The following TRIM61 variants were observed in gnomAD, a reference collection of about 807,000 sequenced individuals.
TRIM61 encodes the protein putative tripartite motif-containing protein 61.
In TRIM61, 1 loss-of-function variant was observed where a neutral mutation model predicts 14.2. That is an observed-to-expected ratio of 0.07 (90% CI 0.03 to 0.33). TRIM61 has a LOEUF of 0.33. Ranked by LOEUF, TRIM61 falls within the 10% of genes least tolerant of loss-of-function variation. TRIM61 has a pLI of 0.99. For synonymous variants in TRIM61, 8 were observed against 71.6 expected (o/e 0.11, Z 4.49); for missense variants, 19 against 202.2 (o/e 0.09, Z 5.49).
chr4:164,970,463 A>G (rs1732338374), intron 2 of TRIM61, 124 bp from the exon 3 acceptor site: 2 of 175,298 alleles, frequency 1.1e-5, no homozygotes, highest in South Asian at 2.5e-4. Flanking sequence ...CAAGATTCTC[A>G]TATTGCAGAG....
At chr4:164,966,186 G>C (rs1331811543) in intron 3 of TRIM61, among the ~76,000 whole-genome samples, 1 of 152,174 alleles carries the variant, frequency 6.6e-6, no homozygotes, top group Non-Finnish European at 1.5e-5. Flanking sequence ...GTTTGGGAAT[G>C]AATTAAGGAA....
At chr4:164,975,264 ATAGT>A (rs1359669029) in intron 2 of TRIM61, among the ~76,000 whole-genome samples, 2 of 152,026 alleles carry the variant, frequency 1.3e-5, no homozygotes, top group South Asian at 4.1e-4. Flanking sequence ...CCAATGTCAC[ATAGT>A]TAGTAAACTG....
chr4:164,960,689 G>A (rs1185750330), intron 3 of TRIM61, among the ~76,000 whole-genome samples: 1 of 152,130 alleles, frequency 6.6e-6, no homozygotes, highest in African/African-American at 2.4e-5. Context: ...GGTGGGTCAT[G>A]CCCATAATCC....
intron 3 of TRIM61, among the ~76,000 whole-genome samples, chr4:164,962,244 A>G (rs1474007219): frequency 1.4e-5 from 2 of 143,356 alleles, no homozygotes; most frequent in African/African-American, 5.2e-5. Context: ...TTTTTTTGAG[A>G]CAGTGTTGCT....
intron 3 of TRIM61, among the ~76,000 whole-genome samples, chr4:164,960,536 C>T (rs1579142964): frequency 6.9e-6 from 1 of 145,984 alleles, no homozygotes; most frequent in African/African-American, 2.5e-5. Flanking sequence ...ATCCGGGCGA[C>T]AGAGTAAGAC....
chr4:164,955,673 T>G (rs1243954091), intron 3 of TRIM61, among the ~76,000 whole-genome samples: 1 of 152,148 alleles, frequency 6.6e-6, no homozygotes, highest in Non-Finnish European at 1.5e-5. Context: ...TTTCCTTGTC[T>G]TCATGTGACC....
At chr4:164,958,907 A>T (rs1176776688) in intron 3 of TRIM61, 1 of 167,108 alleles carries the variant, frequency 6.0e-6, no homozygotes, top group Non-Finnish European at 1.5e-5. Flanking sequence ...TTTTAAATTA[A>T]CATTCTATTA....
chr4:164,959,279 G>A (rs963401941), intron 3 of TRIM61, among the ~76,000 whole-genome samples: 1 of 152,052 alleles, frequency 6.6e-6, no homozygotes, highest in Non-Finnish European at 1.5e-5. Flanking sequence ...CTGAAATTTG[G>A]TGATATGATG....
At chr4:164,969,012 T>C (rs749249603) in intron 3 of TRIM61, 16 of 1,035,500 alleles carry the variant, frequency 1.5e-5, no homozygotes, top group Non-Finnish European at 1.9e-5. Context: ...TAAAATCTTC[T>C]TGGGTTATGA....
At chr4:164,963,237 C>T (rs1178689125) in intron 3 of TRIM61, among the ~76,000 whole-genome samples, 1 of 151,972 alleles carries the variant, frequency 6.6e-6, no homozygotes, top group African/African-American at 2.4e-5. Context: ...ATAGTCAGAC[C>T]CTGTTTTAAT....
chr4:164,960,812 G>C (rs1233421696), intron 3 of TRIM61, among the ~76,000 whole-genome samples: 1 of 151,912 alleles, frequency 6.6e-6, no homozygotes, highest in East Asian at 1.9e-4. Flanking sequence ...TTAGCTGGGC[G>C]TGGTGACACA....
intron 2 of TRIM61, among the ~76,000 whole-genome samples, chr4:164,973,895 C>T (rs760742957): frequency 3.3e-5 from 5 of 152,178 alleles, no homozygotes; most frequent in East Asian, 3.8e-4. Context: ...TTGGGCCAGG[C>T]GTGGTGGCTC....
chr4:164,976,052 G>A (rs966182747), intron 2 of TRIM61, among the ~76,000 whole-genome samples: 3 of 152,154 alleles, frequency 2.0e-5, no homozygotes, highest in African/African-American at 7.2e-5. Context: ...ACATAAATCT[G>A]GCTTACGTGC....
chr4:164,969,161 G>A (rs1013146470), intron 3 of TRIM61: 5 of 1,179,462 alleles, frequency 4.2e-6, no homozygotes, highest in Non-Finnish European at 5.3e-6. Flanking sequence ...AGAATATTGT[G>A]GAGGCAGATG....
chr4:164,954,523 A>T lies in TRIM61; in HGVS notation c.*262T>A, dbSNP rs973882377. ...AGATAAACATTCCAATATACATCTA[A>T]AATTATATATATTGATTATAATTCA... On this transcript the variant is annotated 3_prime_UTR_variant, in exon 5 of 5. Coordinates refer to ENST00000329314, the MANE Select transcript of TRIM61 (RefSeq NM_001012414.3). The T allele has an allele frequency of 3.3e-5, 5 of 152,206 alleles. No individual in the cohort carries two copies. The highest frequency in any genetic ancestry group is 7.3e-5 in the Non-Finnish European group (5 of 68,040). 9.4% of individuals were successfully genotyped at this position (152,206 alleles called of 1,614,324 possible).
rs1350238236 is a variant in TRIM61 at position 164,954,539 on chromosome 4, T to C, written c.*246A>G. 6.6e-6 allele frequency: 1 copy of C among 152,250 alleles called. No individual in the cohort carries two copies. Among genetic ancestry groups the C allele is most frequent in the Non-Finnish European group, 1.5e-5 (1 of 68,046 alleles). 9.4% of individuals were successfully genotyped at this position (152,250 alleles called of 1,614,324 possible). A position where few individuals can be genotyped will look rare whatever the true frequency, so the allele number is the denominator to read the frequency against. On this transcript the variant is annotated 3_prime_UTR_variant, in exon 5 of 5. Transcript: ENST00000329314. ...ATACATCTAAAATTATATATATTGA[T>C]TATAATTCAATATGTTCTTGTATTA...
At chr4:164,958,458 C>T (rs1732063352) in intron 3 of TRIM61, 1 of 166,916 alleles carries the variant, frequency 6.0e-6, no homozygotes, top group Non-Finnish European at 1.5e-5. Context: ...ATAACCTGTA[C>T]AGTAATAGAT....
At chr4:164,956,419 G>C (rs990619358) in intron 3 of TRIM61, among the ~76,000 whole-genome samples, 1 of 152,108 alleles carries the variant, frequency 6.6e-6, no homozygotes, top group African/African-American at 2.4e-5. Context: ...ATAGTAGAGA[G>C]AACATTATGA....
At chr4:164,974,722 G>A (rs1020398463) in intron 2 of TRIM61, among the ~76,000 whole-genome samples, 6 of 151,574 alleles carry the variant, frequency 4.0e-5, no homozygotes, top group Non-Finnish European at 8.8e-5. Context: ...TCTACAAAAG[G>A]AAAAGAAAGA....
Sources: allele counts gnomAD v4.1 joint callset (sites outside exome capture counted in the v4.1 genomes callset), GRCh38; gene constraint gnomAD v4.1.1; transcripts MANE v1.5; gene names NCBI Gene and HGNC (gene_info 2026-07-23, HGNC 2026-07-21).